Variants in TNNI3K observed in about 807,000 individuals in gnomAD.
The protein encoded by TNNI3K is serine/threonine-protein kinase TNNI3K.
Under a neutral mutation model 114.5 loss-of-function variants are expected in TNNI3K, and 140 were observed. That is an observed-to-expected ratio of 1.22 (90% CI 1.07 to 1.41). The LOEUF (loss-of-function observed/expected upper bound fraction) is 1.41. TNNI3K is among the 40% of genes most tolerant of loss of function. The pLI is 0.00. For missense variants in TNNI3K, 1,125 were observed against 1,007.6 expected (o/e 1.12, Z -1.58); for synonymous variants, 347 against 347.5 (o/e 1.00, Z 0.02).
At chr1:74,262,831 A>G (rs1655759276) in intron 4 of TNNI3K, among the ~76,000 whole-genome samples, 1 of 152,096 alleles carries the variant, frequency 6.6e-6, no homozygotes, top group Non-Finnish European at 1.5e-5. Context: ...TTCTTACACC[A>G]GACAGTAGTA....
chr1:74,532,785 G>A (rs1646606762), intron 23 of TNNI3K, among the ~76,000 whole-genome samples: 1 of 152,076 alleles, frequency 6.6e-6, no homozygotes, highest in South Asian at 2.1e-4. Flanking sequence ...TCTGATCTTT[G>A]ACAAACCTGA....
chr1:74,377,592 A>C (rs564713495), intron 17 of TNNI3K, among the ~76,000 whole-genome samples: 10 of 152,196 alleles, frequency 6.6e-5, no homozygotes, highest in African/African-American at 2.4e-4. Context: ...TACACATATA[A>C]AGAGAAGGAT....
intron 5 of TNNI3K, among the ~76,000 whole-genome samples, chr1:74,278,208 CA>C (rs1656798325): frequency 6.6e-6 from 1 of 152,084 alleles, no homozygotes; most frequent in Non-Finnish European, 1.5e-5. Flanking sequence ...AAGTCTGCCC[CA>C]ATCTTGTGAA....
intron 2 of TNNI3K, among the ~76,000 whole-genome samples, chr1:74,244,087 C>T (rs950086964): frequency 2.0e-5 from 3 of 152,030 alleles, no homozygotes; most frequent in African/African-American, 4.8e-5. Context: ...AAAACAGAAA[C>T]GTTTGACTAG....
intron 23 of TNNI3K, among the ~76,000 whole-genome samples, chr1:74,502,108 A>G (rs762424823): frequency 6.6e-6 from 1 of 152,158 alleles, no homozygotes; most frequent in African/African-American, 2.4e-5. Context: ...AATTCATGCT[A>G]TAGGTCAACA....
chr1:74,328,506 C>T (rs1343444318), intron 5 of TNNI3K, among the ~76,000 whole-genome samples: 2 of 152,122 alleles, frequency 1.3e-5, no homozygotes, highest in East Asian at 1.9e-4. Flanking sequence ...GAATTCTACT[C>T]ATTAGCTAAA....
At chr1:74,250,525 C>G (rs557829715) in intron 3 of TNNI3K, 147 bp from the exon 4 acceptor site, 130 of 584,490 alleles carry the variant, frequency 2.2e-4, no homozygotes, top group Admixed American at 6.3e-4. Context: ...GTAAGGTTGT[C>G]AATTAATAGA....
intron 17 of TNNI3K, among the ~76,000 whole-genome samples, chr1:74,387,489 A>T (rs997611727): frequency 1.3e-5 from 2 of 152,320 alleles, no homozygotes; most frequent in East Asian, 3.9e-4. Flanking sequence ...CAAAAAGAGA[A>T]CCATAGGGAC....
intron 17 of TNNI3K, among the ~76,000 whole-genome samples, chr1:74,393,394 G>A (rs1462087391): frequency 6.6e-6 from 1 of 151,982 alleles, no homozygotes; most frequent in Non-Finnish European, 1.5e-5. Flanking sequence ...AATTTATATG[G>A]GCCTGGAACA....
In TNNI3K at chr1:74,250,747, C is replaced by G. The variant is rs1570370552; in HGVS notation, c.311C>G (p.Ala104Gly). The G allele has an allele frequency of 3.1e-6, 5 of 1,612,682 alleles. No homozygotes were observed. The East Asian group carries it at 1.1e-4, about 36-fold the overall frequency. The change falls in exon 4 of 25, where the codon GCC becomes GGC. Residue 104 changes from alanine to glycine, a missense_variant. Physicochemically the swap from Ala to Gly is moderately conservative, Grantham distance 60. Transcript: ENST00000326637. ...PSRLTRNGFT[A>G]LHLAVYKDNA... ...CGACTGACAAGAAATGGATTTACAG[C>G]CTTGCATTTAGCAGTTTACAAGGTA... is the stretch of plus-strand genomic sequence containing the variant.
At chr1:74,404,178 A>G (rs1664502551) in intron 17 of TNNI3K, among the ~76,000 whole-genome samples, 2 of 152,122 alleles carry the variant, frequency 1.3e-5, no homozygotes, top group African/African-American at 4.8e-5. Flanking sequence ...AATATGAATT[A>G]TTACATCCAT....
chr1:74,365,542 A>C (rs186085011), intron 11 of TNNI3K, among the ~76,000 whole-genome samples: 6 of 152,208 alleles, frequency 3.9e-5, no homozygotes, highest in Admixed American at 2.6e-4. Flanking sequence ...CATGAAGTAC[A>C]CTTGCCTACC....
At chr1:74,264,863 C>T (rs187348751) in intron 4 of TNNI3K, among the ~76,000 whole-genome samples, 1 of 152,098 alleles carries the variant, frequency 6.6e-6, no homozygotes, top group Admixed American at 6.5e-5. Flanking sequence ...AAGCTTACAC[C>T]TGTAAGTATC....
intron 23 of TNNI3K, among the ~76,000 whole-genome samples, chr1:74,517,818 T>C (rs1472929704): frequency 1.3e-5 from 2 of 152,186 alleles, no homozygotes; most frequent in Admixed American, 1.3e-4. Flanking sequence ...GAAGATTTTT[T>C]AAGGCAAAAA....
chr1:74,543,848 A>G, intron 24 of TNNI3K, 58 bp from the exon 25 acceptor site: 3 of 1,605,624 alleles, frequency 1.9e-6, no homozygotes, highest in Non-Finnish European at 1.7e-6. Context: ...GGTTATAAAA[A>G]ATTGGGGGAT....
At chr1:74,486,539 A>G (rs1452013014) in intron 21 of TNNI3K, among the ~76,000 whole-genome samples, 3 of 138,646 alleles carry the variant, frequency 2.2e-5, no homozygotes, top group Admixed American at 7.6e-5. Context: ...AAGCAGAAGG[A>G]TGGAGTTTCC....
intron 17 of TNNI3K, among the ~76,000 whole-genome samples, chr1:74,405,025 G>C (rs1316083037): frequency 6.6e-6 from 1 of 152,168 alleles, no homozygotes; most frequent in Non-Finnish European, 1.5e-5. Flanking sequence ...AAAGACCATT[G>C]AGTGAACTGA....
chr1:74,543,781 C>A, intron 24 of TNNI3K, 125 bp from the exon 25 acceptor site: 1 of 1,043,462 alleles, frequency 9.6e-7, no homozygotes. Flanking sequence ...TACTCACCAG[C>A]AACCGTTGTC....
intron 4 of TNNI3K, among the ~76,000 whole-genome samples, chr1:74,264,175 T>C (rs1021958397): frequency 2.0e-4 from 30 of 151,732 alleles, no homozygotes; most frequent in African/African-American, 6.3e-4. Flanking sequence ...TTTTTTTTTT[T>C]CCAAAATTTC....
Sources: allele counts gnomAD v4.1 joint callset (sites outside exome capture counted in the v4.1 genomes callset), GRCh38; gene constraint gnomAD v4.1.1; transcripts MANE v1.5; gene names NCBI Gene and HGNC (gene_info 2026-07-23, HGNC 2026-07-21).